The following XKR6 variants were observed in gnomAD, a reference collection of about 807,000 sequenced individuals.
The protein encoded by XKR6 is XK-related protein 6.
XKR6 carries 22 observed loss-of-function variants against 56.7 expected under a neutral mutation model. That is an observed-to-expected ratio of 0.39 (90% CI 0.28 to 0.55). The LOEUF (loss-of-function observed/expected upper bound fraction) is 0.55, where lower values mean the gene tolerates loss of function less well. Among genes scored for constraint, XKR6 ranks in the 20% least tolerant of loss-of-function variants. The pLI, the probability that XKR6 is intolerant of heterozygous loss-of-function variation, is 0.66. For synonymous variants in XKR6, 524 were observed against 387.8 expected, an observed-to-expected ratio of 1.35 and a Z score of -4.13; for missense variants, 852 against 889.0, an observed-to-expected ratio of 0.96 and a Z score of 0.53.
chr8:11,110,494 C>T (rs1004673062), intron 1 of XKR6, among the ~76,000 whole-genome samples: 1 of 152,300 alleles, frequency 6.6e-6, no homozygotes, highest in East Asian at 1.9e-4. Flanking sequence ...AACGAATACA[C>T]GAACATTCCA....
intron 1 of XKR6, among the ~76,000 whole-genome samples, chr8:11,152,976 T>G (rs1170599405): frequency 6.6e-6 from 1 of 152,230 alleles, no homozygotes; most frequent in Non-Finnish European, 1.5e-5. Flanking sequence ...TGCCACGGTT[T>G]GGTTTGTTTC....
At chr8:11,144,244 G>GTGTGTGTGTGTGTGTGTGTGTGTA (rs767539492) in intron 1 of XKR6, among the ~76,000 whole-genome samples, 5,013 of 149,278 alleles carry the variant, frequency 0.034, 97 homozygotes, top group South Asian at 0.061. Flanking sequence ...GTGTGTGTGT[G>GTGTGTGTGTGTGTGTGTGTGTGTA]TGTGTGTGTG....
chr8:10,985,594 G>C (rs1459591152), intron 1 of XKR6, among the ~76,000 whole-genome samples: 8 of 121,022 alleles, frequency 6.6e-5, no homozygotes, highest in African/African-American at 2.9e-4. Flanking sequence ...ACCATCTTTT[G>C]GTTAAAAAAA....
intron 1 of XKR6, among the ~76,000 whole-genome samples, chr8:11,022,227 C>G (rs1156833823): frequency 6.6e-6 from 1 of 151,552 alleles, no homozygotes; most frequent in Non-Finnish European, 1.5e-5. Context: ...GTAGCACAAA[C>G]AGTTCAGAGA....
At chr8:10,911,195 T>TGTGC (rs1410245461) in intron 2 of XKR6, among the ~76,000 whole-genome samples, 8 of 122,664 alleles carry the variant, frequency 6.5e-5, no homozygotes, top group African/African-American at 2.2e-4. Flanking sequence ...AGAGAGAGGG[T>TGTGC]GTGCGTGTGT....
chr8:10,957,492 C>G (rs1801925719), intron 1 of XKR6, among the ~76,000 whole-genome samples: 1 of 152,158 alleles, frequency 6.6e-6, no homozygotes, highest in African/African-American at 2.4e-5. Flanking sequence ...GCTCCCTCAG[C>G]AATGACAAGA....
intron 1 of XKR6, among the ~76,000 whole-genome samples, chr8:11,051,276 G>C (rs1440654790): frequency 1.3e-5 from 2 of 151,794 alleles, no homozygotes; most frequent in East Asian, 1.9e-4. Flanking sequence ...CTGTCCTCCA[G>C]GTATGGCAAG....
At chr8:10,910,907 A>G (rs2129110198) in intron 2 of XKR6, among the ~76,000 whole-genome samples, 1 of 152,308 alleles carries the variant, frequency 6.6e-6, no homozygotes, top group South Asian at 2.1e-4. Flanking sequence ...GCCTGGAGCA[A>G]ACTGTGGAGA....
intron 1 of XKR6, among the ~76,000 whole-genome samples, chr8:10,989,300 T>C (rs945873298): frequency 2.0e-5 from 3 of 152,272 alleles, no homozygotes; most frequent in Non-Finnish European, 4.4e-5. Flanking sequence ...ACTTTTCTTA[T>C]AATTCCTTTC....
At chr8:11,157,584 T>C (rs949053092) in intron 1 of XKR6, among the ~76,000 whole-genome samples, 6 of 152,134 alleles carry the variant, frequency 3.9e-5, no homozygotes, top group African/African-American at 1.4e-4. Context: ...GGCGTGATCA[T>C]AGCTCACTGC....
chr8:11,085,095 C>A (rs1244423565), intron 1 of XKR6, among the ~76,000 whole-genome samples: 1 of 152,124 alleles, frequency 6.6e-6, no homozygotes, highest in East Asian at 1.9e-4. Context: ...TCCGCCTCCT[C>A]CTTCCAGGGT....
intron 1 of XKR6, among the ~76,000 whole-genome samples, chr8:11,141,218 T>C (rs1204679626): frequency 1.3e-5 from 2 of 152,198 alleles, no homozygotes; most frequent in Non-Finnish European, 2.9e-5. Context: ...ATGTGTATTG[T>C]GGGACAAAGC....
At chr8:11,046,177 T>C (rs1799405680) in intron 1 of XKR6, among the ~76,000 whole-genome samples, 1 of 152,160 alleles carries the variant, frequency 6.6e-6, no homozygotes, top group African/African-American at 2.4e-5. Context: ...GGTGGGCAGA[T>C]TGCTTGGGGC....
chr8:11,114,715 C>G (rs1350327152), intron 1 of XKR6, among the ~76,000 whole-genome samples: 1 of 141,010 alleles, frequency 7.1e-6, no homozygotes, highest in Non-Finnish European at 1.5e-5. Flanking sequence ...AAGTCAGCTA[C>G]TTAGATCACA....
At chr8:11,055,583 G>A (rs936389325) in intron 1 of XKR6, among the ~76,000 whole-genome samples, 7 of 152,206 alleles carry the variant, frequency 4.6e-5, no homozygotes, top group African/African-American at 1.4e-4. Context: ...GCCCCTCTGG[G>A]AAGTCTGGCC....
chr8:11,039,143 G>A (rs1365831558), intron 1 of XKR6, among the ~76,000 whole-genome samples: 3 of 152,178 alleles, frequency 2.0e-5, no homozygotes, highest in Non-Finnish European at 4.4e-5. Context: ...GGACAAGAAG[G>A]GAAGCACACG....
intron 2 of XKR6, among the ~76,000 whole-genome samples, chr8:10,918,971 C>T (rs1800638332): frequency 6.6e-6 from 1 of 152,218 alleles, no homozygotes. Context: ...TTGCTTCCCT[C>T]CCTGTGTGAA....
chr8:11,144,567 C>T (rs1800882432), intron 1 of XKR6, among the ~76,000 whole-genome samples: 1 of 151,910 alleles, frequency 6.6e-6, no homozygotes. Context: ...GACTAACGAG[C>T]AGTTTGAGTC....
intron 1 of XKR6, among the ~76,000 whole-genome samples, chr8:10,977,479 A>C (rs770061358): frequency 5.3e-5 from 8 of 151,804 alleles, no homozygotes; most frequent in Non-Finnish European, 1.0e-4. Context: ...CACTGGAGGA[A>C]TGTGGGATGA....
Sources: gnomAD v4.1 joint callset for allele counts (sites outside exome capture counted in the v4.1 genomes callset) on GRCh38, gnomAD v4.1.1 for gene constraint, MANE v1.5 for transcripts, NCBI Gene and HGNC (gene_info 2026-07-23, HGNC 2026-07-21) for gene names.